SAMD8: variants seen among roughly 807,000 people sequenced by gnomAD.
SAMD8 encodes the protein sterile alpha motif domain containing 8, also known as sphingomyelin synthase-related protein 1.
SAMD8 carries 20 observed loss-of-function variants against 42.0 expected under a neutral mutation model. That is an observed-to-expected ratio of 0.48 (90% CI 0.34 to 0.69). The LOEUF is 0.69. Ranked by LOEUF, SAMD8 falls within the 30% of genes least tolerant of loss-of-function variation. The pLI, the probability that SAMD8 is intolerant of heterozygous loss-of-function variation, is 0.01. For missense variants in SAMD8, 328 were observed against 511.6 expected, an observed-to-expected ratio of 0.64 and a Z score of 3.46; for synonymous variants, 162 against 173.0, an observed-to-expected ratio of 0.94 and a Z score of 0.50.
chr10:75,162,432 C>G (rs1416412494), intron 2 of SAMD8, among the ~76,000 whole-genome samples: 1 of 151,842 alleles, frequency 6.6e-6, no homozygotes, highest in African/African-American at 2.4e-5. Flanking sequence ...GGCGGATGAC[C>G]TGAGGTCAGG....
At position 75,179,487 on chromosome 10, in the gene SAMD8, C is replaced by A. The variant is rs1841044681; in HGVS notation, c.*2795C>A. ...GAGCTATTGACATTGAGAGACCTAA[C>A]AACAGACTGCAATGGGGATTGTAAA... On this transcript the variant is annotated 3_prime_UTR_variant, in exon 6 of 6. Transcript: ENST00000542569. The A allele has an allele frequency of 6.6e-6, 1 of 152,222 alleles. No individual in the cohort carries two copies. Among genetic ancestry groups the A allele is most frequent in the South Asian group, 2.1e-4 (1 of 4,838 alleles). 9.4% of individuals were successfully genotyped at this position (152,222 alleles called of 1,614,324 possible).
intron 2 of SAMD8, among the ~76,000 whole-genome samples, chr10:75,160,040 G>A (rs564926748): frequency 2.5e-4 from 25 of 101,346 alleles, no homozygotes; most frequent in African/African-American, 1.3e-3. Flanking sequence ...AATAGCAAGG[G>A]AGGAAACAAA....
intron 4 of SAMD8, among the ~76,000 whole-genome samples, chr10:75,170,173 G>A (rs1339731310): frequency 6.6e-6 from 1 of 152,092 alleles, no homozygotes; most frequent in East Asian, 1.9e-4. Flanking sequence ...AATTTGCAAA[G>A]AATTTTGTCC....
chr10:75,163,303 T>C (rs1397876962), intron 2 of SAMD8, among the ~76,000 whole-genome samples: 1 of 152,194 alleles, frequency 6.6e-6, no homozygotes, highest in East Asian at 1.9e-4. Flanking sequence ...TTAGTAGAAA[T>C]GTACAAAGAA....
At chr10:75,139,735 T>C (rs867706781) in intron 1 of SAMD8, among the ~76,000 whole-genome samples, 2 of 152,338 alleles carry the variant, frequency 1.3e-5, no homozygotes, top group South Asian at 4.1e-4. Flanking sequence ...AGAGACTTAA[T>C]TATAAAAGAT....
intron 4 of SAMD8, among the ~76,000 whole-genome samples, chr10:75,171,078 A>G (rs1204620089): frequency 2.7e-5 from 4 of 149,946 alleles, no homozygotes; most frequent in Non-Finnish European, 4.4e-5. Context: ...AAGTTTTCAT[A>G]GATACTTTTG....
intron 4 of SAMD8, among the ~76,000 whole-genome samples, chr10:75,172,201 A>G (rs1241672961): frequency 6.6e-6 from 1 of 152,014 alleles, no homozygotes; most frequent in African/African-American, 2.4e-5. Context: ...TATATTTTAC[A>G]TGTTTAATTT....
At chr10:75,119,968 C>T (rs1280826820) in intron 1 of SAMD8, among the ~76,000 whole-genome samples, 4 of 152,110 alleles carry the variant, frequency 2.6e-5, no homozygotes, top group Admixed American at 2.6e-4. Context: ...CTCGGGAAGC[C>T]GAGGCAAGGG....
intron 1 of SAMD8, chr10:75,101,902 T>C: frequency 7.3e-7 from 1 of 1,367,532 alleles, no homozygotes; most frequent in Non-Finnish European, 9.8e-7. Context: ...TGCACTTCTC[T>C]GACGGGCAGT....
intron 2 of SAMD8, among the ~76,000 whole-genome samples, chr10:75,152,921 A>G (rs566604744): frequency 6.6e-6 from 1 of 152,290 alleles, no homozygotes; most frequent in East Asian, 1.9e-4. Context: ...AACTGTTTTC[A>G]CATTTTTGAT....
chr10:75,170,557 T>C (rs947889070), intron 4 of SAMD8, among the ~76,000 whole-genome samples: 1 of 152,064 alleles, frequency 6.6e-6, no homozygotes, highest in Non-Finnish European at 1.5e-5. Context: ...AGGTCTTTTT[T>C]TCTTTTTCCA....
chr10:75,137,015 A>T (rs7095764), intron 1 of SAMD8, among the ~76,000 whole-genome samples: 28,867 of 152,116 alleles, frequency 0.19, 3,003 homozygotes, highest in East Asian at 0.26. Context: ...GGAAAATGAT[A>T]TGGTGACTCC....
At position 75,168,674 on chromosome 10, in the gene SAMD8, CTTTATCA is replaced by C; in HGVS notation, c.792+19_792+25del. ...TACTGGAAAGGTAGCCTGCTACCTT[CTTTATCA>C]TTCTTGTTTTTGGTGGGTTGATGGC... On this transcript the variant is annotated intron_variant, in intron 4 of 5. Coordinates refer to ENST00000542569, the MANE Select transcript of SAMD8 (RefSeq NM_001174156.2). The C allele has an allele frequency of 6.8e-7, 1 of 1,476,190 alleles. No individual in the cohort carries two copies. Among genetic ancestry groups the C allele is most frequent in the Non-Finnish European group, 9.5e-7 (1 of 1,054,522 alleles). 91.4% of individuals were successfully genotyped at this position (1,476,190 alleles called of 1,614,324 possible). A position where few individuals can be genotyped will look rare whatever the true frequency, so the allele number is the denominator to read the frequency against.
At chr10:75,118,305 C>T (rs933504824) in intron 1 of SAMD8, among the ~76,000 whole-genome samples, 1 of 152,142 alleles carries the variant, frequency 6.6e-6, no homozygotes, top group African/African-American at 2.4e-5. Flanking sequence ...GTAATTATTG[C>T]AGATTTTATC....
At chr10:75,165,687 G>T (rs949827608) in intron 3 of SAMD8, among the ~76,000 whole-genome samples, 5 of 143,088 alleles carry the variant, frequency 3.5e-5, no homozygotes, top group African/African-American at 1.3e-4. Flanking sequence ...AAAAAAAAAA[G>T]ATTATTAGCC....
upstream of SAMD8, among the ~76,000 whole-genome samples, chr10:75,107,110 CAG>C (rs1361865854): frequency 6.6e-6 from 1 of 152,134 alleles, no homozygotes; most frequent in Non-Finnish European, 1.5e-5. Context: ...CCGAGGCAGA[CAG>C]ATCACTTGAG....
At chr10:75,143,632 A>T (rs372086826) in intron 1 of SAMD8, among the ~76,000 whole-genome samples, 1 of 151,774 alleles carries the variant, frequency 6.6e-6, no homozygotes, top group African/African-American at 2.4e-5. Flanking sequence ...GAAATCTCTT[A>T]TCATTCTTAC....
chr10:75,158,103 G>A (rs1036340237), intron 2 of SAMD8, among the ~76,000 whole-genome samples: 2 of 151,456 alleles, frequency 1.3e-5, no homozygotes, highest in African/African-American at 2.4e-5. Context: ...AAGTTGTGGT[G>A]AGTTGAGATC....
upstream of SAMD8, chr10:75,108,980 C>T: frequency 6.3e-7 from 1 of 1,580,042 alleles, no homozygotes; most frequent in Non-Finnish European, 8.6e-7. Flanking sequence ...CGTCCCCACC[C>T]CCATGCCCCT....
Sources: allele counts gnomAD v4.1 joint callset (sites outside exome capture counted in the v4.1 genomes callset), GRCh38; gene constraint gnomAD v4.1.1; transcripts MANE v1.5; gene names NCBI Gene and HGNC (gene_info 2026-07-23, HGNC 2026-07-21).